The following FRY variants were observed in gnomAD, a reference collection of about 807,000 sequenced individuals.
The protein encoded by FRY is FRY microtubule binding protein.
Under a neutral mutation model 348.4 loss-of-function variants are expected in FRY, and 128 were observed. That is an observed-to-expected ratio of 0.37 (90% CI 0.32 to 0.43). The LOEUF is 0.43. FRY is among the 20% of genes least tolerant of loss of function. The pLI, the probability that FRY is intolerant of heterozygous loss-of-function variation, is 1.00. For synonymous variants in FRY, 1,370 were observed against 1,374.7 expected (o/e 1.00, Z 0.08); for missense variants, 2,736 against 3,695.2 (o/e 0.74, Z 6.73).
chr13:32,128,679 T>G (rs1879171194), intron 7 of FRY, among the ~76,000 whole-genome samples: 1 of 152,224 alleles, frequency 6.6e-6, no homozygotes, highest in South Asian at 2.1e-4. Context: ...TGGAAATGCA[T>G]TCACTGCCTA....
At position 32,294,233 on chromosome 13, in the gene FRY, A is replaced by G. The variant is rs187120359; in HGVS notation, c.8581-135A>G. On this transcript the variant is annotated intron_variant, in intron 59 of 60. Transcript: ENST00000542859. ...TACACATACCATGGAGTACAATGTCATCTATCCTATCTGAATTTACCAAGG... is the reference window on the plus strand; with the variant it reads ...TACACATACCATGGAGTACAATGTCGTCTATCCTATCTGAATTTACCAAGG... 119 of 678,626 alleles carry G rather than the reference A, an allele frequency of 1.8e-4. 1 individual carries two copies. In the Admixed American group the frequency reaches 2.5e-3, roughly 14 times the overall value. The allele number at this position is 678,626 out of a possible 1,614,324, so 42.0% of individuals were successfully genotyped here.
intron 36 of FRY, among the ~76,000 whole-genome samples, chr13:32,223,854 A>G (rs902509320): frequency 1.3e-5 from 2 of 152,108 alleles, no homozygotes; most frequent in African/African-American, 4.8e-5. Context: ...TCATCCTCCC[A>G]AGTAGCTGGG....
intron 60 of FRY, among the ~76,000 whole-genome samples, 190 bp downstream of exon 60, chr13:32,294,760 C>T (rs1889550644): frequency 6.6e-6 from 1 of 152,196 alleles, no homozygotes; most frequent in Non-Finnish European, 1.5e-5. Flanking sequence ...GGTGTTGGTT[C>T]TGGCCATTTG....
In FRY at chr13:32,171,175, C is replaced by T. The variant is rs1393144974; in HGVS notation, c.2056C>T (p.Leu686=). ...GCATCACACACTCCTTGATTCGTCCCTGAAGTTGCTGCTGCAGCTGCTCAC... is the reference window on the plus strand; with the variant it reads ...GCATCACACACTCCTTGATTCGTCCTTGAAGTTGCTGCTGCAGCTGCTCAC... ...DMHHTLLDSS[L]KLLLQLLTQW... Residue 686 remains leucine (L), a synonymous_variant, in exon 18 of 61, where the codon CTG becomes TTG. Coordinates refer to ENST00000542859, the MANE Select transcript of FRY (RefSeq NM_023037.3). 1.2e-6 allele frequency: 2 copies of T among 1,613,714 alleles called. No homozygotes were observed. Among genetic ancestry groups the T allele is most frequent in the African/African-American group, 1.3e-5 (1 of 74,882 alleles).
chr13:32,257,383 T>A (rs533537233), intron 51 of FRY, among the ~76,000 whole-genome samples: 1 of 152,236 alleles, frequency 6.6e-6, no homozygotes, highest in African/African-American at 2.4e-5. Flanking sequence ...GAAAGACAAG[T>A]CATTTTGTCA....
chr13:32,050,399 G>T (rs1454031135), intron 1 of FRY, among the ~76,000 whole-genome samples: 1 of 152,194 alleles, frequency 6.6e-6, no homozygotes, highest in Non-Finnish European at 1.5e-5. Flanking sequence ...GATGATCTCT[G>T]TCAGGTGCTT....
chr13:32,152,791 T>G (rs553668957), intron 14 of FRY, among the ~76,000 whole-genome samples: 8 of 152,260 alleles, frequency 5.3e-5, no homozygotes, highest in Non-Finnish European at 1.2e-4. Flanking sequence ...AAATTAAAAA[T>G]GTCTGTACTT....
intron 3 of FRY, 93 bp from the exon 4 acceptor site, chr13:32,117,241 G>A (rs1018398760): frequency 3.6e-6 from 4 of 1,104,460 alleles, no homozygotes; most frequent in Non-Finnish European, 5.4e-6. Context: ...AAATATTTTA[G>A]TGAGTAGTGC....
At chr13:32,110,376 A>G (rs998048007) in intron 3 of FRY, among the ~76,000 whole-genome samples, 21 of 152,272 alleles carry the variant, frequency 1.4e-4, no homozygotes, top group South Asian at 2.1e-4. Flanking sequence ...ACAGCATTTT[A>G]TTTCAGATTC....
Position 32,239,693 on chromosome 13 carries a change from A to G in FRY, c.6517-18A>G, listed in dbSNP as rs751482505. The G allele has an allele frequency of 2.6e-5, 41 of 1,573,232 alleles. No individual in the cohort carries two copies. Among genetic ancestry groups the G allele is most frequent in the Non-Finnish European group, 3.6e-5 (41 of 1,143,322 alleles). The stretch of plus-strand genomic sequence containing the variant: ...CATTGGGCTATTTTATTCCTAATTG[A>G]TTTTTTTATTTTAAAAGGTTTGTTT... On this transcript the variant is annotated intron_variant, in intron 45 of 60. Coordinates refer to ENST00000542859, the MANE Select transcript of FRY (RefSeq NM_023037.3). The surrounding 1 kb of genome is among the most constrained non-coding windows in gnomAD (Gnocchi z 4.3).
At chr13:32,158,367 T>C (rs28674103) in intron 16 of FRY, among the ~76,000 whole-genome samples, 1 of 152,216 alleles carries the variant, frequency 6.6e-6, no homozygotes, top group Non-Finnish European at 1.5e-5. Context: ...CCCACAAAAG[T>C]GGGATAATAC....
intron 1 of FRY, among the ~76,000 whole-genome samples, chr13:32,074,410 G>C (rs1195714246): frequency 2.0e-5 from 3 of 151,790 alleles, no homozygotes; most frequent in African/African-American, 7.2e-5. Flanking sequence ...TCAATAATTA[G>C]AAACCTAATT....
At chr13:32,043,331 G>A (rs1872845239) in intron 1 of FRY, among the ~76,000 whole-genome samples, 1 of 152,152 alleles carries the variant, frequency 6.6e-6, no homozygotes, top group Non-Finnish European at 1.5e-5. Context: ...ACCATATCAC[G>A]GTAGATGACT....
At chr13:32,072,002 C>T (rs1874690920) in intron 1 of FRY, among the ~76,000 whole-genome samples, 1 of 152,158 alleles carries the variant, frequency 6.6e-6, no homozygotes, top group Non-Finnish European at 1.5e-5. Context: ...CCTGAGTTGA[C>T]CACTCTGTAA....
chr13:32,093,996 G>A (rs950487172), intron 2 of FRY, among the ~76,000 whole-genome samples: 1 of 152,128 alleles, frequency 6.6e-6, no homozygotes, highest in Non-Finnish European at 1.5e-5. Context: ...TTGATGAATG[G>A]CATCATTATT....
intron 55 of FRY, among the ~76,000 whole-genome samples, chr13:32,268,506 ATATATATATAT>A (rs1385275644): frequency 6.9e-5 from 2 of 28,860 alleles, no homozygotes; most frequent in African/African-American, 2.0e-4. Context: ...AAAAAAAAAA[ATATATATATAT>A]ATATATATAT....
At chr13:32,060,791 G>C (rs1018633367) in intron 1 of FRY, 12 of 258,892 alleles carry the variant, frequency 4.6e-5, no homozygotes, top group African/African-American at 2.4e-4. Flanking sequence ...TGTTCTTGTG[G>C]ATAAATATAG....
At chr13:32,153,468 C>A (rs902066049) in intron 14 of FRY, among the ~76,000 whole-genome samples, 1 of 152,124 alleles carries the variant, frequency 6.6e-6, no homozygotes, top group African/African-American at 2.4e-5. Context: ...CAATTTATAT[C>A]ACATACTTGA....
At chr13:32,167,872 A>G (rs1328110876) in intron 17 of FRY, among the ~76,000 whole-genome samples, 1 of 152,186 alleles carries the variant, frequency 6.6e-6, no homozygotes, top group Non-Finnish European at 1.5e-5. Context: ...CAAACCATGG[A>G]CTGCAGAGAT....
Sources: allele counts gnomAD v4.1 joint callset (sites outside exome capture counted in the v4.1 genomes callset), GRCh38; gene constraint gnomAD v4.1.1; non-coding constraint Gnocchi (gnomAD v3.1); transcripts MANE v1.5; gene names NCBI Gene and HGNC (gene_info 2026-07-23, HGNC 2026-07-21).